CRB1: variants seen among roughly 807,000 people sequenced by gnomAD.
CRB1 encodes the protein crumbs cell polarity complex component 1, also known as protein crumbs homolog 1.
A neutral mutation model predicts 120.0 loss-of-function variants in CRB1; 83 were observed. That is an observed-to-expected ratio of 0.69 (90% CI 0.58 to 0.83). The LOEUF (loss-of-function observed/expected upper bound fraction) is 0.83. Ranked by LOEUF, CRB1 falls within the 40% of genes least tolerant of loss-of-function variation. The pLI, the probability that CRB1 is intolerant of heterozygous loss-of-function variation, is 0.00. For synonymous variants in CRB1, 625 were observed against 612.5 expected, an observed-to-expected ratio of 1.02 and a Z score of -0.30; for missense variants, 1,699 against 1,687.6, an observed-to-expected ratio of 1.01 and a Z score of -0.12.
In CRB1 at chr1:197,435,382, C is replaced by A. The variant is rs772701426; in HGVS notation, c.3519C>A (p.His1173Gln). The A allele has an allele frequency of 2.5e-6, 4 of 1,609,942 alleles. No individual in the cohort carries two copies. Among genetic ancestry groups the A allele is most frequent in the Non-Finnish European group, 3.4e-6 (4 of 1,177,646 alleles). Reference sequence around the variant, plus strand: ...GTCCCTTGGGATGGTCAGGGAAACACTGTGAACTCAACATCGATGAATGCT... The same window carrying A: ...GTCCCTTGGGATGGTCAGGGAAACAATGTGAACTCAACATCGATGAATGCT... ...CSCPLGWSGK[H>Q]CELNIDECFS... Residue 1173 changes from histidine (H) to glutamine (Q), a missense_variant, in exon 9 of 12, where the codon CAC becomes CAA. Physicochemically the swap from His to Gln is conservative, Grantham distance 24. Transcript: ENST00000367400.
chr1:197,260,787 C>T, the CRB1 span, among the ~76,000 whole-genome samples: 407 of 151,980 alleles, frequency 2.7e-3, 2 homozygotes, highest in African/African-American at 9.2e-3. Flanking sequence ...ACCTCCGCCT[C>T]CCAGGTTCAA....
intron 11 of CRB1, among the ~76,000 whole-genome samples, chr1:197,468,577 A>G (rs1666846553): frequency 6.6e-6 from 1 of 152,166 alleles, no homozygotes; most frequent in African/African-American, 2.4e-5. Flanking sequence ...GTCGATAATA[A>G]TTGATCAGCC....
In CRB1 at chr1:197,421,256, C is replaced by T. The variant is rs62636282; in HGVS notation, c.1428C>T (p.Thr476=). ...GFSCLCPSGY[T]GSLCEIATTL... ...GCTGCCTATGTCCATCTGGCTACAC[C>T]GGGTCCCTGTGTGAAATCGCAACCA... is the stretch of plus-strand genomic sequence containing the variant. Residue 476 remains threonine (T), a synonymous_variant, in exon 6 of 12, where the codon ACC becomes ACT. Transcript: ENST00000367400. 4.9e-4 allele frequency: 795 copies of T among 1,614,138 alleles called. 2 individuals carry two copies. Among genetic ancestry groups the T allele is most frequent in the Non-Finnish European group, 6.2e-4 (729 of 1,179,996 alleles).
At chr1:197,372,567 C>T (rs1661424908) in intron 5 of CRB1, among the ~76,000 whole-genome samples, 3 of 152,072 alleles carry the variant, frequency 2.0e-5, no homozygotes, top group African/African-American at 4.8e-5. Context: ...ACTTAAGCTG[C>T]CTGAGTATTA....
At chr1:197,316,026 T>G (rs1657816912) in intron 1 of CRB1, among the ~76,000 whole-genome samples, 1 of 152,190 alleles carries the variant, frequency 6.6e-6, no homozygotes. Context: ...ACTCAATGCA[T>G]CATTGCTACA....
At chr1:197,239,884 A>C in the CRB1 span, among the ~76,000 whole-genome samples, 1 of 148,724 alleles carries the variant, frequency 6.7e-6, no homozygotes, top group Non-Finnish European at 1.5e-5. Flanking sequence ...ATTTATATAA[A>C]AATAAATAAT....
chr1:197,374,007 G>T (rs1661511212), intron 5 of CRB1, among the ~76,000 whole-genome samples: 1 of 152,196 alleles, frequency 6.6e-6, no homozygotes. Flanking sequence ...GAAGTGAGCA[G>T]GGAAAATGCT....
At chr1:197,302,475 T>C (rs1170097677) in intron 1 of CRB1, among the ~76,000 whole-genome samples, 4 of 152,298 alleles carry the variant, frequency 2.6e-5, no homozygotes, top group Non-Finnish European at 4.4e-5. Context: ...CTCTGAGGTA[T>C]GCCTATATTT....
At chr1:197,351,364 C>CA (rs35672792) in intron 4 of CRB1, among the ~76,000 whole-genome samples, 1,138 of 85,930 alleles carry the variant, frequency 0.013, 21 homozygotes, top group Admixed American at 0.037. Context: ...TGAGACTTGG[C>CA]AAAAAAAAAA....
At chr1:197,385,376 T>G (rs1662161011) in intron 5 of CRB1, among the ~76,000 whole-genome samples, 1 of 152,158 alleles carries the variant, frequency 6.6e-6, no homozygotes. Flanking sequence ...GGTATTCCCT[T>G]TGATATTCTA....
intron 1 of CRB1, among the ~76,000 whole-genome samples, chr1:197,282,838 A>G (rs1415895245): frequency 6.6e-6 from 1 of 151,866 alleles, no homozygotes; most frequent in African/African-American, 2.4e-5. Flanking sequence ...TGAAATTCTC[A>G]TAGGTTCTTT....
At chr1:197,418,719 T>C (rs1276982400) in intron 5 of CRB1, among the ~76,000 whole-genome samples, 4 of 152,190 alleles carry the variant, frequency 2.6e-5, no homozygotes, top group Admixed American at 2.0e-4. Flanking sequence ...TTTAGGAAGG[T>C]CATGATGAAT....
intron 11 of CRB1, among the ~76,000 whole-genome samples, chr1:197,449,241 TAA>T (rs1361125419): frequency 6.6e-6 from 1 of 152,226 alleles, no homozygotes; most frequent in Non-Finnish European, 1.5e-5. Flanking sequence ...CTTTTGTATA[TAA>T]GTTTCATTTT....
At chr1:197,267,951 TTA>T (rs1254372810), upstream of CRB1, among the ~76,000 whole-genome samples, 1 of 152,214 alleles carries the variant, frequency 6.6e-6, no homozygotes, top group Non-Finnish European at 1.5e-5. Context: ...TGTCTGTGAA[TTA>T]TTTTCTGAAG....
the CRB1 span, among the ~76,000 whole-genome samples, chr1:197,227,379 C>A: frequency 1.3e-5 from 2 of 149,476 alleles, no homozygotes; most frequent in Non-Finnish European, 3.0e-5. Flanking sequence ...TAGTCAAATT[C>A]TTTTTTTCTT....
chr1:197,325,772 T>G (rs182793088), intron 1 of CRB1, among the ~76,000 whole-genome samples: 1 of 152,284 alleles, frequency 6.6e-6, no homozygotes, highest in South Asian at 2.1e-4. Context: ...CAAATAACTT[T>G]ATATACATTA....
Position 197,328,898 on chromosome 1 carries a change from T to C in CRB1, c.547T>C (p.Cys183Arg), listed in dbSNP as rs1658691162. The change falls in exon 2 of 12, where the codon TGC (cysteine) becomes CGC (arginine). Residue 183 changes from cysteine (C) to arginine (R), a missense_variant. Transcript: ENST00000367400. ...TGTCCCAGGATATCAAGGCAGACAC[T>C]GCGACTTGGAAGTGGATGAATGTGC... is the stretch of plus-strand genomic sequence containing the variant. ...FCVPGYQGRHCDLEVDECASD... is the reference protein window; with the variant it reads ...FCVPGYQGRHRDLEVDECASD... 2 of 1,614,120 alleles carry C rather than the reference T, an allele frequency of 1.2e-6. No individual in the cohort carries two copies. Among genetic ancestry groups the C allele is most frequent in the Non-Finnish European group, 1.7e-6 (2 of 1,180,044 alleles).
chr1:197,297,053 G>A (rs1656568452), intron 1 of CRB1, among the ~76,000 whole-genome samples: 1 of 151,826 alleles, frequency 6.6e-6, no homozygotes, highest in African/African-American at 2.4e-5. Context: ...GTCCTATTAG[G>A]TGAGTTTGTT....
At chr1:197,442,643 A>AGCC in intron 11 of CRB1, 1 of 866,670 alleles carries the variant, frequency 1.2e-6, no homozygotes, top group Non-Finnish European at 1.7e-6. Context: ...ATAACTAGAA[A>AGCC]TATCTCCTTA....
Sources: gnomAD v4.1 joint callset for allele counts (sites outside exome capture counted in the v4.1 genomes callset) on GRCh38, gnomAD v4.1.1 for gene constraint, MANE v1.5 for transcripts, NCBI Gene and HGNC (gene_info 2026-07-23, HGNC 2026-07-21) for gene names.